The following KCNIP4 variants were observed in gnomAD, a reference collection of about 807,000 sequenced individuals.
KCNIP4 encodes the protein potassium voltage-gated channel interacting protein 4.
Under a neutral mutation model 34.0 loss-of-function variants are expected in KCNIP4, and 12 were observed. The ratio of observed to expected loss-of-function variants is 0.35; its 90% confidence interval spans 0.23 to 0.57. KCNIP4 has a LOEUF of 0.57. KCNIP4 is among the 20% of genes least tolerant of loss of function. KCNIP4 has a pLI of 0.83. For synonymous variants in KCNIP4, 124 were observed against 102.2 expected, an observed-to-expected ratio of 1.21 and a Z score of -1.29; for missense variants, 238 against 311.7, an observed-to-expected ratio of 0.76 and a Z score of 1.78.
chr4:21,478,449 G>A (rs1452998665), intron 1 of KCNIP4, among the ~76,000 whole-genome samples: 2 of 151,994 alleles, frequency 1.3e-5, no homozygotes, highest in African/African-American at 4.8e-5. Flanking sequence ...TAATGGGGTG[G>A]GGGAAATAGC....
intron 1 of KCNIP4, among the ~76,000 whole-genome samples, chr4:21,453,806 A>C (rs1366292114): frequency 6.6e-6 from 1 of 152,124 alleles, no homozygotes; most frequent in Non-Finnish European, 1.5e-5. Context: ...TTCAGCTAGC[A>C]CATTTTCTCT....
chr4:20,844,276 C>T (rs1560508464), intron 3 of KCNIP4, among the ~76,000 whole-genome samples: 1 of 152,178 alleles, frequency 6.6e-6, no homozygotes, highest in African/African-American at 2.4e-5. Flanking sequence ...GAAAGCCCTT[C>T]TGGTTGGAAA....
intron 1 of KCNIP4, among the ~76,000 whole-genome samples, chr4:21,510,969 G>A (rs1424089379): frequency 6.6e-6 from 1 of 152,086 alleles, no homozygotes; most frequent in Non-Finnish European, 1.5e-5. Context: ...GCTTGAACTC[G>A]GGAGGCAGAG....
intron 1 of KCNIP4, among the ~76,000 whole-genome samples, chr4:21,532,714 C>G (rs1736787194): frequency 6.6e-6 from 1 of 152,094 alleles, no homozygotes; most frequent in Non-Finnish European, 1.5e-5. Flanking sequence ...GCTAGTGTAG[C>G]CACTTGCCTT....
chr4:20,895,030 C>T (rs946260944), intron 1 of KCNIP4, among the ~76,000 whole-genome samples: 1 of 152,174 alleles, frequency 6.6e-6, no homozygotes, highest in Non-Finnish European at 1.5e-5. Context: ...TAAAGATGCA[C>T]GCAGTTTGTA....
At chr4:21,350,107 A>T (rs1454864225) in intron 1 of KCNIP4, among the ~76,000 whole-genome samples, 1 of 152,070 alleles carries the variant, frequency 6.6e-6, no homozygotes, top group East Asian at 1.9e-4. Context: ...AATAAAGTAA[A>T]TTATTCACCA....
chr4:20,818,387 A>C (rs1716681020), intron 3 of KCNIP4, among the ~76,000 whole-genome samples: 1 of 152,218 alleles, frequency 6.6e-6, no homozygotes, highest in Admixed American at 6.5e-5. Flanking sequence ...ATATTCTGGT[A>C]GATATCATGA....
intron 1 of KCNIP4, among the ~76,000 whole-genome samples, chr4:21,210,196 T>C (rs1349439664): frequency 3.3e-5 from 5 of 152,228 alleles, no homozygotes; most frequent in African/African-American, 1.2e-4. Context: ...GTAAAGACTG[T>C]TGCCTCATTA....
intron 1 of KCNIP4, among the ~76,000 whole-genome samples, chr4:20,937,222 CTTTTTTTTTTT>C (rs397992488): frequency 7.0e-4 from 32 of 45,522 alleles, no homozygotes; most frequent in African/African-American, 1.7e-3. Flanking sequence ...CCCAAGGAGT[CTTTTTTTTTTT>C]TTTTTTTTTT....
intron 2 of KCNIP4, among the ~76,000 whole-genome samples, chr4:20,880,601 A>G (rs978728794): frequency 1.3e-5 from 2 of 152,186 alleles, no homozygotes; most frequent in Non-Finnish European, 2.9e-5. Context: ...AGTGCTAACG[A>G]GACATGACAA....
Position 20,749,665 on chromosome 4 carries a change from G to A in KCNIP4, c.426C>T (p.Phe142=), listed in dbSNP as rs751047200. 1.5e-5 allele frequency: 24 copies of A among 1,599,180 alleles called. No individual in the cohort carries two copies. Among genetic ancestry groups the A allele is most frequent in the South Asian group, 3.3e-5 (3 of 89,836 alleles). Residue 142 remains phenylalanine (F), a synonymous_variant, in exon 5 of 9, where the codon TTC becomes TTT. Coordinates refer to ENST00000382152, the MANE Select transcript of KCNIP4 (RefSeq NM_025221.6). Reference sequence around the variant, plus strand: ...ATGAAAATAATCCAGAGCTTACCTCGAAACTCACAGCTCCATTGTGGTCTG... The same window carrying A: ...ATGAAAATAATCCAGAGCTTACCTCAAAACTCACAGCTCCATTGTGGTCTG... ...FDTDHNGAVS[F]EDFIKGLSIL...
intron 1 of KCNIP4, among the ~76,000 whole-genome samples, chr4:21,136,261 T>C (rs967782850): frequency 1.3e-5 from 2 of 152,216 alleles, no homozygotes; most frequent in Non-Finnish European, 2.9e-5. Flanking sequence ...TCTGACCTAC[T>C]GTTCCCCACC....
intron 1 of KCNIP4, among the ~76,000 whole-genome samples, chr4:20,929,476 A>T (rs2149598614): frequency 6.6e-6 from 1 of 152,216 alleles, no homozygotes; most frequent in East Asian, 1.9e-4. Flanking sequence ...GATCCAGTGC[A>T]AAGCACAAAT....
intron 1 of KCNIP4, among the ~76,000 whole-genome samples, chr4:21,709,858 T>C (rs1713582607): frequency 6.6e-6 from 1 of 152,210 alleles, no homozygotes; most frequent in South Asian, 2.1e-4. Flanking sequence ...TGTCCAGTGA[T>C]GCTTTTATAA....
intron 1 of KCNIP4, among the ~76,000 whole-genome samples, chr4:21,027,094 C>CAA (rs1207017163): frequency 2.6e-5 from 4 of 152,120 alleles, no homozygotes; most frequent in Admixed American, 2.6e-4. Context: ...GTGGATAGAT[C>CAA]AGTTTCTTAA....
intron 1 of KCNIP4, among the ~76,000 whole-genome samples, chr4:21,477,073 A>T (rs1400174146): frequency 1.3e-5 from 2 of 152,170 alleles, no homozygotes; most frequent in African/African-American, 4.8e-5. Flanking sequence ...AATAAATTTT[A>T]AAAATCAATG....
intron 1 of KCNIP4, among the ~76,000 whole-genome samples, chr4:21,394,903 T>C (rs905454219): frequency 1.4e-4 from 21 of 152,190 alleles, no homozygotes; most frequent in African/African-American, 5.1e-4. Flanking sequence ...CATTCTTTTA[T>C]TACATTTCCA....
At chr4:21,438,033 T>C (rs1269889423) in intron 1 of KCNIP4, among the ~76,000 whole-genome samples, 1 of 152,172 alleles carries the variant, frequency 6.6e-6, no homozygotes, top group Non-Finnish European at 1.5e-5. Context: ...AGTCTTGTTA[T>C]GATCATAAAA....
intron 1 of KCNIP4, among the ~76,000 whole-genome samples, chr4:20,995,459 A>G (rs1302980200): frequency 6.6e-6 from 1 of 152,182 alleles, no homozygotes; most frequent in Non-Finnish European, 1.5e-5. Context: ...TATTATGCCC[A>G]TTTGACCAAT....
Sources: allele counts gnomAD v4.1 joint callset (sites outside exome capture counted in the v4.1 genomes callset), GRCh38; gene constraint gnomAD v4.1.1; transcripts MANE v1.5; gene names NCBI Gene and HGNC (gene_info 2026-07-23, HGNC 2026-07-21).